CNTN5: variants seen among roughly 807,000 people sequenced by gnomAD.
The protein encoded by CNTN5 is contactin 5, also known as contactin-5.
Under a neutral mutation model 129.1 loss-of-function variants are expected in CNTN5, and 77 were observed. The observed-to-expected ratio is 0.60, with a 90% CI of 0.50 to 0.72. The LOEUF (loss-of-function observed/expected upper bound fraction) is 0.72. Ranked by LOEUF, CNTN5 falls within the 30% of genes least tolerant of loss-of-function variation. CNTN5 has a pLI of 0.00. For synonymous variants in CNTN5, 509 were observed against 465.6 expected, an observed-to-expected ratio of 1.09 and a Z score of -1.20; for missense variants, 1,478 against 1,328.8, an observed-to-expected ratio of 1.11 and a Z score of -1.75.
At chr11:99,484,100 T>G (rs1054094628) in intron 2 of CNTN5, among the ~76,000 whole-genome samples, 1 of 151,480 alleles carries the variant, frequency 6.6e-6, no homozygotes, top group Non-Finnish European at 1.5e-5. Flanking sequence ...AAGGAAACGG[T>G]CAATAGAATG....
chr11:99,068,402 G>A (rs762973498), intron 1 of CNTN5, among the ~76,000 whole-genome samples: 7 of 152,156 alleles, frequency 4.6e-5, no homozygotes, highest in Non-Finnish European at 7.4e-5. Flanking sequence ...GGAGTGCACA[G>A]GTAGACTAAG....
intron 1 of CNTN5, among the ~76,000 whole-genome samples, chr11:99,313,971 A>G (rs1347658800): frequency 6.6e-6 from 1 of 152,060 alleles, no homozygotes; most frequent in African/African-American, 2.4e-5. Context: ...GGTGAAGACT[A>G]GCTGCCTCTA....
chr11:99,357,180 C>G (rs1401711233), intron 2 of CNTN5, among the ~76,000 whole-genome samples: 1 of 151,822 alleles, frequency 6.6e-6, no homozygotes, highest in Non-Finnish European at 1.5e-5. Context: ...TTTGAACTCA[C>G]AGATATGCGC....
chr11:99,485,753 A>G (rs1945786777), intron 2 of CNTN5, among the ~76,000 whole-genome samples: 1 of 152,068 alleles, frequency 6.6e-6, no homozygotes, highest in African/African-American at 2.4e-5. Context: ...TGTCCAATTT[A>G]TAGTTTGGAC....
intron 1 of CNTN5, among the ~76,000 whole-genome samples, chr11:99,080,797 T>A (rs570517949): frequency 6.6e-6 from 1 of 152,064 alleles, no homozygotes; most frequent in African/African-American, 2.4e-5. Flanking sequence ...AAAAAATAGA[T>A]TTGTATAAGT....
At chr11:99,924,304 A>G (rs2165821) in intron 7 of CNTN5, among the ~76,000 whole-genome samples, 46,037 of 151,848 alleles carry the variant, frequency 0.3, 8,230 homozygotes, top group South Asian at 0.4. Flanking sequence ...GAACTTAGTC[A>G]TATTTTTTTT....
At chr11:99,858,981 T>TA (rs397977692) in intron 6 of CNTN5, among the ~76,000 whole-genome samples, 1 of 151,638 alleles carries the variant, frequency 6.6e-6, no homozygotes, top group Non-Finnish European at 1.5e-5. Flanking sequence ...TCTAAACATT[T>TA]GAACATTAGG....
intron 3 of CNTN5, among the ~76,000 whole-genome samples, chr11:99,738,643 A>ATG (rs574130017): frequency 6.8e-6 from 1 of 146,278 alleles, no homozygotes; most frequent in South Asian, 2.2e-4. Context: ...GTGTGTGTGT[A>ATG]TGTGTGTGTA....
intron 2 of CNTN5, among the ~76,000 whole-genome samples, chr11:99,352,966 C>G (rs971250699): frequency 2.0e-5 from 3 of 152,144 alleles, no homozygotes; most frequent in Non-Finnish European, 4.4e-5. Flanking sequence ...CTCAGGCTCT[C>G]CCTTATACCA....
At chr11:100,291,924 G>A (rs896289803) in intron 18 of CNTN5, among the ~76,000 whole-genome samples, 13 of 151,530 alleles carry the variant, frequency 8.6e-5, no homozygotes, top group Admixed American at 2.0e-4. Flanking sequence ...TTCTTCTCCC[G>A]CCATTGCTCT....
chr11:100,338,551 T>C (rs1323199371), intron 21 of CNTN5, among the ~76,000 whole-genome samples: 1 of 152,238 alleles, frequency 6.6e-6, no homozygotes, highest in Admixed American at 6.5e-5. Context: ...TACTCTCTTA[T>C]GACCTTCGCC....
intron 7 of CNTN5, among the ~76,000 whole-genome samples, chr11:99,950,111 T>G (rs1591468752): frequency 1.3e-5 from 2 of 152,330 alleles, no homozygotes; most frequent in East Asian, 3.9e-4. Flanking sequence ...GCCTACTTTG[T>G]TTTAAAGTAA....
At chr11:99,741,846 T>C (rs761951072) in intron 3 of CNTN5, among the ~76,000 whole-genome samples, 49 of 152,172 alleles carry the variant, frequency 3.2e-4, no homozygotes, top group Non-Finnish European at 6.0e-4. Flanking sequence ...TGTTTGGTGT[T>C]ATACATTATT....
At chr11:100,001,693 A>G (rs575900426) in intron 8 of CNTN5, among the ~76,000 whole-genome samples, 84 of 152,362 alleles carry the variant, frequency 5.5e-4, no homozygotes, top group African/African-American at 2.0e-3. Flanking sequence ...TTATTTGGCA[A>G]TAAGAAAATT....
rs200209482 is a variant in CNTN5 at position 100,356,480 on chromosome 11, G to A, written c.*260G>A. The A allele has an allele frequency of 2.2e-6, 1 of 457,624 alleles. No homozygotes were observed. Among genetic ancestry groups the A allele is most frequent in the Non-Finnish European group, 3.9e-6 (1 of 257,964 alleles). The allele number at this position is 457,624 out of a possible 1,614,324, so 28.3% of individuals were successfully genotyped here. On this transcript the variant is annotated 3_prime_UTR_variant, in exon 25 of 25. Transcript: ENST00000524871. ...ATGTAATGAATTTTTGTAAACAAAG[G>A]TAATTTCTGTCAAATGTATTCTTTA...
rs1471646862 is a variant in CNTN5, at chr11:99,757,901, AC to A, written c.56-61642del. ...GAATTAACCAGAAAGTATCTGCCGCACAGAAGGTTCTAAAAATAGTAACTGT... is the reference window on the plus strand; with the variant it reads ...GAATTAACCAGAAAGTATCTGCCGCAAGAAGGTTCTAAAAATAGTAACTGT... On this transcript the variant is annotated intron_variant, in intron 3 of 24. Transcript: ENST00000524871. 5.3e-5 allele frequency among the ~76,000 whole-genome samples: 8 copies of A among 152,154 alleles called. No individual in the cohort carries two copies. The East Asian group carries it at 1.4e-3, about 26-fold the overall frequency.
chr11:99,826,303 A>G (rs147330255), intron 4 of CNTN5, among the ~76,000 whole-genome samples: 45 of 152,268 alleles, frequency 3.0e-4, no homozygotes, highest in Middle Eastern at 3.4e-3. Flanking sequence ...TGTTGGGGCT[A>G]TTGAGATTCA....
At position 99,740,653 on chromosome 11, in the gene CNTN5, C is replaced by T. The variant is rs1943859955; in HGVS notation, c.56-78891C>T. Among the ~76,000 whole-genome samples, 2 of 152,170 alleles carry T rather than the reference C, an allele frequency of 1.3e-5. 1 individual carries two copies. The highest frequency in any genetic ancestry group is 4.1e-4 in the South Asian group (2 of 4,832). ...CAGGCTGGATTGCAGGCCCTAGCCA[C>T]ACCCTCAGCAGGCATCAGGTATAAT... On this transcript the variant is annotated intron_variant, in intron 3 of 24. Coordinates refer to ENST00000524871, the MANE Select transcript of CNTN5 (RefSeq NM_014361.4).
chr11:100,200,684 G>C (rs1334643316), intron 15 of CNTN5, among the ~76,000 whole-genome samples: 11 of 151,806 alleles, frequency 7.2e-5, no homozygotes, highest in Non-Finnish European at 1.6e-4. Flanking sequence ...TAATCTCTGA[G>C]GGGATAAGAG....
Sources: gnomAD v4.1 joint callset for allele counts (sites outside exome capture counted in the v4.1 genomes callset) on GRCh38, gnomAD v4.1.1 for gene constraint, MANE v1.5 for transcripts, NCBI Gene and HGNC (gene_info 2026-07-23, HGNC 2026-07-21) for gene names.